The following PLPPR1 variants were observed in gnomAD, a reference collection of about 807,000 sequenced individuals.
PLPPR1 encodes phospholipid phosphatase-related protein type 1.
A neutral mutation model predicts 33.1 loss-of-function variants in PLPPR1; 10 were observed. The ratio of observed to expected loss-of-function variants is 0.30; its 90% CI spans 0.19 to 0.51. PLPPR1 has a LOEUF of 0.51. Ranked by LOEUF, PLPPR1 falls within the 20% of genes least tolerant of loss-of-function variation. PLPPR1 has a pLI of 0.97. For missense variants in PLPPR1, 304 were observed against 408.1 expected (o/e 0.74, Z 2.20); for synonymous variants, 151 against 151.0 (o/e 1.00, Z 0.00).
chr9:101,067,208 A>G (rs988744642), intron 1 of PLPPR1, among the ~76,000 whole-genome samples: 6 of 146,384 alleles, frequency 4.1e-5, no homozygotes, highest in Non-Finnish European at 7.5e-5. Context: ...GAACAATATA[A>G]TATTTCTGTC....
At chr9:101,228,593 ATAACT>A (rs906798705) in intron 2 of PLPPR1, among the ~76,000 whole-genome samples, 5 of 152,200 alleles carry the variant, frequency 3.3e-5, no homozygotes, top group African/African-American at 1.2e-4. Flanking sequence ...GAAAAGGTAA[ATAACT>A]TAATAAATTT....
At chr9:101,215,197 A>C (rs752394414) in intron 2 of PLPPR1, among the ~76,000 whole-genome samples, 4 of 152,228 alleles carry the variant, frequency 2.6e-5, no homozygotes, top group Non-Finnish European at 4.4e-5. Context: ...TGAATTGTCC[A>C]GTGCTCAGAA....
chr9:101,247,546 C>T (rs933338975), intron 2 of PLPPR1, among the ~76,000 whole-genome samples: 1 of 152,054 alleles, frequency 6.6e-6, no homozygotes, highest in Non-Finnish European at 1.5e-5. Context: ...TGTCTTTAGG[C>T]ACTTGAGAGA....
At chr9:101,061,385 G>T (rs890177543) in intron 1 of PLPPR1, among the ~76,000 whole-genome samples, 1 of 151,356 alleles carries the variant, frequency 6.6e-6, no homozygotes, top group African/African-American at 2.4e-5. Flanking sequence ...TCTGCAGTTT[G>T]TGTGTGTGTG....
intron 1 of PLPPR1, among the ~76,000 whole-genome samples, chr9:101,109,949 A>G (rs550442432): frequency 6.6e-6 from 1 of 152,318 alleles, no homozygotes; most frequent in Non-Finnish European, 1.5e-5. Context: ...ACTCTGCTTT[A>G]GGAAAGGTGG....
chr9:101,166,698 G>A (rs917688512), intron 1 of PLPPR1, among the ~76,000 whole-genome samples: 5 of 152,086 alleles, frequency 3.3e-5, no homozygotes, highest in African/African-American at 1.2e-4. Flanking sequence ...TAAAGCAATG[G>A]CCTCAGTAAA....
At chr9:101,195,377 C>A (rs563981685) in intron 2 of PLPPR1, among the ~76,000 whole-genome samples, 1 of 152,068 alleles carries the variant, frequency 6.6e-6, no homozygotes, top group African/African-American at 2.4e-5. Flanking sequence ...AAAAGTAAGT[C>A]CCAAATCATC....
intron 3 of PLPPR1, among the ~76,000 whole-genome samples, chr9:101,278,328 G>A (rs939829381): frequency 1.3e-5 from 2 of 152,144 alleles, no homozygotes; most frequent in Non-Finnish European, 2.9e-5. Flanking sequence ...GAGGGATGGA[G>A]CAAGTTGGTG....
At chr9:101,106,518 G>A (rs1033395108) in intron 1 of PLPPR1, among the ~76,000 whole-genome samples, 6 of 113,772 alleles carry the variant, frequency 5.3e-5, no homozygotes, top group Non-Finnish European at 8.7e-5. Flanking sequence ...CGAGAGATCC[G>A]CTGTTAGTCT....
intron 1 of PLPPR1, among the ~76,000 whole-genome samples, chr9:101,147,381 T>C (rs1831533596): frequency 6.6e-6 from 1 of 152,216 alleles, no homozygotes; most frequent in South Asian, 2.1e-4. Context: ...AGGGGATATT[T>C]TGAATTACTC....
intron 1 of PLPPR1, chr9:101,131,703 T>C (rs1701529202): frequency 6.6e-6 from 1 of 152,242 alleles, no homozygotes; most frequent in Admixed American, 6.5e-5. Context: ...AAGGTACATA[T>C]TGTAACCTAA....
At chr9:101,110,348 C>T (rs1325783227) in intron 1 of PLPPR1, among the ~76,000 whole-genome samples, 1 of 152,106 alleles carries the variant, frequency 6.6e-6, no homozygotes, top group Admixed American at 6.5e-5. Context: ...CTCAGTGTTG[C>T]TGAGGATAAT....
At chr9:101,249,859 C>T (rs12338031) in intron 2 of PLPPR1, among the ~76,000 whole-genome samples, 52,969 of 151,852 alleles carry the variant, frequency 0.35, 9,310 homozygotes, top group Admixed American at 0.38. Context: ...GCTGGCACAT[C>T]TCTTCTCATC....
intron 2 of PLPPR1, among the ~76,000 whole-genome samples, chr9:101,264,601 T>C (rs1827954350): frequency 6.6e-6 from 1 of 152,214 alleles, no homozygotes; most frequent in Non-Finnish European, 1.5e-5. Context: ...AGAGCATGTC[T>C]GAGAATTCCT....
chr9:101,161,426 G>A (rs1831771670), intron 1 of PLPPR1, among the ~76,000 whole-genome samples: 1 of 152,104 alleles, frequency 6.6e-6, no homozygotes, highest in Admixed American at 6.6e-5. Context: ...TTACTTCCTT[G>A]TATTTTAGTG....
chr9:101,125,832 T>C (rs1276954072), intron 1 of PLPPR1: 24 of 625,892 alleles, frequency 3.8e-5, no homozygotes, highest in Non-Finnish European at 6.5e-5. Context: ...TTCATTTTGT[T>C]TTCCACCAAT....
At chr9:101,289,901 A>C (rs770019706) in intron 4 of PLPPR1, among the ~76,000 whole-genome samples, 1 of 152,228 alleles carries the variant, frequency 6.6e-6, no homozygotes, top group Non-Finnish European at 1.5e-5. Context: ...CTGATTCTTA[A>C]GTATTCATTT....
At chr9:101,041,566 G>A (rs1021934077) in intron 1 of PLPPR1, among the ~76,000 whole-genome samples, 1 of 152,094 alleles carries the variant, frequency 6.6e-6, no homozygotes, top group African/African-American at 2.4e-5. Flanking sequence ...TGTACCTCTG[G>A]CTACTAGGTT....
chr9:101,108,107 T>C (rs1220380441), intron 1 of PLPPR1, among the ~76,000 whole-genome samples: 5 of 151,996 alleles, frequency 3.3e-5, no homozygotes, highest in African/African-American at 1.2e-4. Context: ...ATCACCCGTC[T>C]TCTGCGTCGC....
Sources: allele counts gnomAD v4.1 joint callset (sites outside exome capture counted in the v4.1 genomes callset), GRCh38; gene constraint gnomAD v4.1.1; transcripts MANE v1.5; gene names NCBI Gene and HGNC (gene_info 2026-07-23, HGNC 2026-07-21).